CAMTA1: variants seen among roughly 807,000 people sequenced by gnomAD.
The protein encoded by CAMTA1 is calmodulin binding transcription activator 1.
CAMTA1 carries 27 observed loss-of-function variants against 170.9 expected under a neutral mutation model. The observed-to-expected ratio is 0.16, with a 90% CI of 0.12 to 0.22. The LOEUF (loss-of-function observed/expected upper bound fraction) is 0.22. Ranked by LOEUF, CAMTA1 falls within the 10% of genes least tolerant of loss-of-function variation. CAMTA1 has a pLI of 1.00. For synonymous variants in CAMTA1, 833 were observed against 891.5 expected, an observed-to-expected ratio of 0.93 and a Z score of 1.17; for missense variants, 1,619 against 2,217.2, an observed-to-expected ratio of 0.73 and a Z score of 5.42.
At chr1:7,493,643 T>TGG (rs34756858) in intron 6 of CAMTA1, among the ~76,000 whole-genome samples, 2 of 147,764 alleles carry the variant, frequency 1.4e-5, no homozygotes, top group East Asian at 2.0e-4. Context: ...CCCAGGGAAC[T>TGG]GGGGGGGGGG....
intron 12 of CAMTA1, among the ~76,000 whole-genome samples, chr1:7,734,843 A>G (rs1450728822): frequency 6.6e-6 from 1 of 152,232 alleles, no homozygotes; most frequent in Non-Finnish European, 1.5e-5. Context: ...TGCCAGAAAA[A>G]AAAAGTACTT....
At chr1:7,330,766 T>G (rs1397650199) in intron 5 of CAMTA1, among the ~76,000 whole-genome samples, 1 of 152,258 alleles carries the variant, frequency 6.6e-6, no homozygotes, top group Admixed American at 6.5e-5. Context: ...CATGGTTTTC[T>G]GTGTTGATTC....
chr1:7,163,354 G>T (rs1023816273), intron 4 of CAMTA1, among the ~76,000 whole-genome samples: 3 of 150,624 alleles, frequency 2.0e-5, no homozygotes, highest in African/African-American at 7.3e-5. Context: ...GGGGGTGGGT[G>T]GGTCATCATA....
At chr1:7,766,395 C>T in intron 22 of CAMTA1, 64 bp from the exon 23 acceptor site, 1 of 1,534,188 alleles carries the variant, frequency 6.5e-7, no homozygotes, top group Non-Finnish European at 9.0e-7. Context: ...ATACCCCTTT[C>T]CTTTACTTGG....
intron 4 of CAMTA1, among the ~76,000 whole-genome samples, chr1:7,198,430 T>C (rs1655982259): frequency 6.6e-6 from 1 of 151,992 alleles, no homozygotes; most frequent in African/African-American, 2.4e-5. Flanking sequence ...GGTGCTGACC[T>C]GTGTGTGCCC....
intron 6 of CAMTA1, among the ~76,000 whole-genome samples, chr1:7,488,448 C>T (rs1331225117): frequency 6.6e-6 from 1 of 151,928 alleles, no homozygotes; most frequent in Non-Finnish European, 1.5e-5. Flanking sequence ...GGATCAGGGA[C>T]AACAACTCAG....
chr1:7,246,329 G>A (rs775703683), intron 4 of CAMTA1, among the ~76,000 whole-genome samples: 4 of 152,314 alleles, frequency 2.6e-5, no homozygotes, highest in Admixed American at 6.5e-5. Context: ...GTATAAGTAC[G>A]GATATAGATT....
intron 16 of CAMTA1, among the ~76,000 whole-genome samples, chr1:7,741,300 A>T (rs1487661058): frequency 2.0e-5 from 3 of 152,162 alleles, no homozygotes; most frequent in Non-Finnish European, 4.4e-5. Context: ...GCGGTGGCTC[A>T]CACCTGTAAT....
intron 6 of CAMTA1, among the ~76,000 whole-genome samples, chr1:7,579,380 G>A (rs992681198): frequency 1.3e-5 from 2 of 152,136 alleles, no homozygotes; most frequent in Non-Finnish European, 2.9e-5. Context: ...GCATGGCAGC[G>A]TGGGCTTGGG....
At chr1:7,574,250 G>T (rs2150352683) in intron 6 of CAMTA1, among the ~76,000 whole-genome samples, 1 of 152,266 alleles carries the variant, frequency 6.6e-6, no homozygotes, top group Admixed American at 6.5e-5. Context: ...GCTGCGAGCT[G>T]GTCCTGTGCA....
At chr1:7,650,677 G>A (rs1334400689) in intron 7 of CAMTA1, among the ~76,000 whole-genome samples, 5 of 150,296 alleles carry the variant, frequency 3.3e-5, no homozygotes, top group East Asian at 1.9e-4. Flanking sequence ...CACACGGTGG[G>A]CGCACACTCC....
At chr1:6,825,357 GAA>G in intron 3 of CAMTA1, 147 bp downstream of exon 3, 1 of 549,144 alleles carries the variant, frequency 1.8e-6, no homozygotes. Flanking sequence ...GGATTTGACA[GAA>G]ACCAACCAAC....
At chr1:7,190,865 A>G (rs1008956409) in intron 4 of CAMTA1, among the ~76,000 whole-genome samples, 5 of 152,352 alleles carry the variant, frequency 3.3e-5, no homozygotes, top group African/African-American at 7.2e-5. Flanking sequence ...TCCATGTTTT[A>G]CACATAAGGA....
At chr1:6,973,958 C>T (rs949681690) in intron 3 of CAMTA1, among the ~76,000 whole-genome samples, 3 of 152,246 alleles carry the variant, frequency 2.0e-5, no homozygotes, top group Non-Finnish European at 4.4e-5. Flanking sequence ...TCAGGACCCA[C>T]TTTTGTGGAA....
intron 6 of CAMTA1, among the ~76,000 whole-genome samples, chr1:7,492,898 TACAC>T (rs1157080944): frequency 8.0e-6 from 1 of 125,272 alleles, no homozygotes; most frequent in African/African-American, 3.0e-5. Flanking sequence ...CAAACCTACA[TACAC>T]ACGTGCACAC....
intron 3 of CAMTA1, among the ~76,000 whole-genome samples, chr1:6,942,594 G>A (rs1195834719): frequency 6.6e-6 from 1 of 152,200 alleles, no homozygotes; most frequent in African/African-American, 2.4e-5. Flanking sequence ...AGGAGATCAA[G>A]GTTGCAGTGA....
chr1:7,020,072 G>C (rs1432899213), intron 3 of CAMTA1, among the ~76,000 whole-genome samples: 1 of 152,238 alleles, frequency 6.6e-6, no homozygotes, highest in African/African-American at 2.4e-5. Context: ...CAGGAGGGCC[G>C]TGATGGCACA....
chr1:6,944,152 C>T (rs1008812406), intron 3 of CAMTA1, among the ~76,000 whole-genome samples: 4 of 152,182 alleles, frequency 2.6e-5, no homozygotes, highest in African/African-American at 9.7e-5. Flanking sequence ...GCCTATTTCA[C>T]TTAGCACAAG....
At chr1:7,107,053 G>T (rs72640094) in intron 4 of CAMTA1, among the ~76,000 whole-genome samples, 1 of 152,080 alleles carries the variant, frequency 6.6e-6, no homozygotes, top group Non-Finnish European at 1.5e-5. Context: ...AGGGGGCCTC[G>T]AAATGCAATT....
Sources: gnomAD v4.1 joint callset for allele counts (sites outside exome capture counted in the v4.1 genomes callset) on GRCh38, gnomAD v4.1.1 for gene constraint, MANE v1.5 for transcripts, NCBI Gene and HGNC (gene_info 2026-07-23, HGNC 2026-07-21) for gene names.